The following DYNLL1 variants were observed in gnomAD, a reference collection of about 807,000 sequenced individuals.
The protein encoded by DYNLL1 is dynein light chain 1, cytoplasmic.
In DYNLL1, 3 loss-of-function variants were observed where a neutral mutation model predicts 10.1. That is an observed-to-expected ratio of 0.30 (90% CI 0.14 to 0.77). The LOEUF is 0.77. Ranked by LOEUF, DYNLL1 falls within the 30% of genes least tolerant of loss-of-function variation. DYNLL1 has a pLI of 0.66. For missense variants in DYNLL1, 47 were observed against 111.7 expected (o/e 0.42, Z 2.61); for synonymous variants, 46 against 41.2 (o/e 1.12, Z -0.45).
chr12:120,477,715 C>T (rs556116588), intron 1 of DYNLL1, among the ~76,000 whole-genome samples: 1 of 152,168 alleles, frequency 6.6e-6, no homozygotes, highest in African/African-American at 2.4e-5. Context: ...TTGGAGGCTG[C>T]TTTGAACTAG....
chr12:120,470,367 C>T (rs974819659), intron 1 of DYNLL1, among the ~76,000 whole-genome samples: 18 of 152,142 alleles, frequency 1.2e-4, no homozygotes, highest in Non-Finnish European at 1.2e-4. Context: ...CCTTATGGAG[C>T]TCAGGTAGAC....
chr12:120,498,484 T>C lies in DYNLL1; in HGVS notation c.*274T>C, dbSNP rs750238605. 2 of 339,178 alleles carry C rather than the reference T, an allele frequency of 5.9e-6. No homozygotes were observed. The highest frequency in any genetic ancestry group is 4.7e-5 in the Admixed American group (1 of 21,428). 21.0% of individuals were successfully genotyped at this position (339,178 alleles called of 1,614,324 possible). A position where few individuals can be genotyped will look rare whatever the true frequency, so the allele number is the denominator to read the frequency against. ...CCATTCCTTTAAAAAATAAATCTGA[T>C]GCAGATGTGTATGTGTGTGAATTAC... On this transcript the variant is annotated 3_prime_UTR_variant, in exon 3 of 3. Transcript: ENST00000242577.
chr12:120,479,461 A>AATT (rs1408892353), intron 1 of DYNLL1, among the ~76,000 whole-genome samples: 3 of 130,236 alleles, frequency 2.3e-5, no homozygotes, highest in African/African-American at 9.2e-5. Context: ...AAAAAAAAAA[A>AATT]AAAAAAAAAT....
intron 1 of DYNLL1, among the ~76,000 whole-genome samples, chr12:120,487,299 TTTTTTTTTTTTG>T: frequency 8.2e-6 from 1 of 122,622 alleles, no homozygotes; most frequent in African/African-American, 3.3e-5. Flanking sequence ...TTTTTTTTTT[TTTTTTTTTTTTG>T]AGACGGACTC....
At chr12:120,482,635 T>A (rs1878907469) in intron 1 of DYNLL1, among the ~76,000 whole-genome samples, 2 of 152,040 alleles carry the variant, frequency 1.3e-5, no homozygotes, top group Non-Finnish European at 2.9e-5. Flanking sequence ...CCAAAACAAT[T>A]TTTTTACAGA....
upstream of DYNLL1, among the ~76,000 whole-genome samples, chr12:120,494,606 T>G (rs1052811319): frequency 2.6e-5 from 4 of 152,102 alleles, no homozygotes; most frequent in Non-Finnish European, 5.9e-5. Context: ...TGGAGTTGTG[T>G]GCCTCTGCTC....
At chr12:120,491,621 G>C (rs1246155117), upstream of DYNLL1, 2 of 152,482 alleles carry the variant, frequency 1.3e-5, no homozygotes, top group East Asian at 3.8e-4. Flanking sequence ...TGGGGCAGTA[G>C]TGAGGAACAG....
intron 1 of DYNLL1, among the ~76,000 whole-genome samples, chr12:120,476,208 A>G (rs1418580879): frequency 6.6e-6 from 1 of 152,198 alleles, no homozygotes; most frequent in Non-Finnish European, 1.5e-5. Context: ...GTTTTATACT[A>G]AGCAGATTTT....
Position 120,498,074 on chromosome 12 carries a change from A to C in DYNLL1, c.134A>C (p.Glu45Ala). The C allele has an allele frequency of 6.2e-7, 1 of 1,613,222 alleles. No homozygotes were observed. Among genetic ancestry groups the C allele is most frequent in the Non-Finnish European group, 8.5e-7 (1 of 1,179,724 alleles). ...EKDIAAHIKKEFDKKYNPTWH... is the reference protein window; with the variant it reads ...EKDIAAHIKKAFDKKYNPTWH... ...GTTCTTTTCTTTTGTCTTTTCCAGG[A>C]ATTTGACAAGAAGTACAATCCCACC... The change falls in exon 3 of 3, where the codon GAA (glutamate) becomes GCA (alanine). Residue 45 changes from glutamate (E) to alanine (A), a missense_variant and splice_region_variant. Transcript: ENST00000242577.
chr12:120,476,570 A>G (rs1329463336), intron 1 of DYNLL1, among the ~76,000 whole-genome samples: 1 of 151,862 alleles, frequency 6.6e-6, no homozygotes, highest in Non-Finnish European at 1.5e-5. Context: ...GTTGTGACAC[A>G]CTCCTTGAAG....
chr12:120,482,704 C>T (rs1420113828), intron 1 of DYNLL1, among the ~76,000 whole-genome samples: 1 of 152,014 alleles, frequency 6.6e-6, no homozygotes, highest in East Asian at 1.9e-4. Flanking sequence ...AGTCAGAGGA[C>T]TCACATACTC....
At chr12:120,472,953 T>C (rs779772378) in intron 1 of DYNLL1, among the ~76,000 whole-genome samples, 2 of 152,242 alleles carry the variant, frequency 1.3e-5, no homozygotes, top group Non-Finnish European at 2.9e-5. Flanking sequence ...CATTCTCTGC[T>C]AAGGCCAGAG....
chr12:120,484,017 T>C lies in DYNLL1; in HGVS notation c.-6-12399T>C, dbSNP rs1257728403. On this transcript the variant is annotated intron_variant, in intron 1 of 2. Coordinates refer to the DYNLL1 transcript ENST00000392509. ...ACCGGTGACCACCACATTTGAGCTG[T>C]GTGGGTGCAGTGGATTAAAGAGAGA... Among the ~76,000 whole-genome samples, 4 of 151,810 alleles carry C rather than the reference T, an allele frequency of 2.6e-5. No homozygotes were observed. The South Asian group carries it at 6.3e-4, about 24-fold the overall frequency.
chr12:120,487,949 T>C (rs1191077507), intron 1 of DYNLL1, among the ~76,000 whole-genome samples: 13 of 152,224 alleles, frequency 8.5e-5, no homozygotes, highest in Admixed American at 7.9e-4. Context: ...CTCCCTATGT[T>C]GAGGGAGTAC....
upstream of DYNLL1, among the ~76,000 whole-genome samples, chr12:120,494,746 A>T (rs1879224322): frequency 6.6e-6 from 1 of 152,196 alleles, no homozygotes; most frequent in African/African-American, 2.4e-5. Flanking sequence ...GTGAGCCATC[A>T]TGCCCAGCCA....
At chr12:120,483,525 G>A (rs2137062180) in intron 1 of DYNLL1, among the ~76,000 whole-genome samples, 1 of 152,284 alleles carries the variant, frequency 6.6e-6, no homozygotes, top group East Asian at 1.9e-4. Flanking sequence ...TATTTACAGT[G>A]ATAAGGAAGC....
intron 1 of DYNLL1, among the ~76,000 whole-genome samples, chr12:120,474,510 AC>A (rs898642229): frequency 6.6e-6 from 1 of 151,984 alleles, no homozygotes; most frequent in Non-Finnish European, 1.5e-5. Flanking sequence ...CTCAGAAATC[AC>A]CACTAAATAA....
upstream of DYNLL1, among the ~76,000 whole-genome samples, chr12:120,492,625 G>A (rs1385563112): frequency 6.6e-6 from 1 of 152,132 alleles, no homozygotes. The surrounding 1 kb of genome is among the most constrained non-coding windows in gnomAD (Gnocchi z 4.1). Context: ...CCTTGGAGAG[G>A]TTAACTAACT....
intron 1 of DYNLL1, among the ~76,000 whole-genome samples, chr12:120,482,902 G>A (rs141905703): frequency 6.6e-6 from 1 of 151,520 alleles, no homozygotes; most frequent in East Asian, 2.0e-4. Context: ...AAGATGGCGA[G>A]ACCTCCATCT....
Sources: allele counts gnomAD v4.1 joint callset (sites outside exome capture counted in the v4.1 genomes callset), GRCh38; gene constraint gnomAD v4.1.1; non-coding constraint Gnocchi (gnomAD v3.1); transcripts MANE v1.5; gene names NCBI Gene and HGNC (gene_info 2026-07-23, HGNC 2026-07-21).